Variants in KIF11 observed in about 807,000 individuals in gnomAD.
The protein encoded by KIF11 is kinesin-like protein KIF11.
In KIF11, 9 loss-of-function variants were observed where a neutral mutation model predicts 121.0. The ratio of observed to expected loss-of-function variants is 0.07; its 90% CI spans 0.04 to 0.13. KIF11 has a LOEUF of 0.13. Ranked by LOEUF, KIF11 falls within the 10% of genes least tolerant of loss-of-function variation. The pLI is 1.00. For synonymous variants in KIF11, 408 were observed against 421.0 expected, an observed-to-expected ratio of 0.97 and a Z score of 0.38; for missense variants, 846 against 1,217.5, an observed-to-expected ratio of 0.69 and a Z score of 4.54.
intron 17 of KIF11, among the ~76,000 whole-genome samples, chr10:92,643,745 C>T (rs1177640427): frequency 3.3e-5 from 5 of 151,266 alleles, no homozygotes; most frequent in African/African-American, 1.2e-4. Context: ...TTAGTAGAGA[C>T]GGGGGTTTCA....
chr10:92,594,165 A>G (rs1399088499), intron 1 of KIF11, among the ~76,000 whole-genome samples: 1 of 152,198 alleles, frequency 6.6e-6, no homozygotes, highest in Non-Finnish European at 1.5e-5. Flanking sequence ...GGCTCTCCAC[A>G]GTTTACTGAG....
chr10:92,605,706 G>C (rs984496734), intron 1 of KIF11, among the ~76,000 whole-genome samples: 1 of 151,984 alleles, frequency 6.6e-6, no homozygotes, highest in Non-Finnish European at 1.5e-5. Flanking sequence ...GGCTGGTCTC[G>C]AACTCCCGAC....
intron 11 of KIF11, among the ~76,000 whole-genome samples, chr10:92,629,943 A>T (rs1844718290): frequency 6.6e-6 from 1 of 152,174 alleles, no homozygotes; most frequent in African/African-American, 2.4e-5. Flanking sequence ...ATTCAAATCC[A>T]TTGACAATGT....
chr10:92,619,965 G>A (rs1051280512), intron 9 of KIF11, among the ~76,000 whole-genome samples: 29 of 151,456 alleles, frequency 1.9e-4, no homozygotes, highest in Admixed American at 1.5e-3. Flanking sequence ...ATCGGTAGCT[G>A]AATCTTGAGG....
At chr10:92,605,482 ATTTT>A (rs58660991) in intron 1 of KIF11, among the ~76,000 whole-genome samples, 1 of 98,300 alleles carries the variant, frequency 1.0e-5, no homozygotes, top group African/African-American at 4.1e-5. Flanking sequence ...ATTTGATCGG[ATTTT>A]TTTTTTTTTT....
chr10:92,608,936 A>G lies in KIF11; in HGVS notation c.388-84A>G. The G allele has an allele frequency of 8.6e-6, 6 of 699,016 alleles. 1 individual carries two copies. The South Asian group carries it at 1.6e-4, about 18-fold the overall frequency. 43.3% of individuals were successfully genotyped at this position (699,016 alleles called of 1,614,324 possible). A position where few individuals can be genotyped will look rare whatever the true frequency, so the allele number is the denominator to read the frequency against. On this transcript the variant is annotated intron_variant, in intron 4 of 21. Transcript: ENST00000260731. The stretch of plus-strand genomic sequence containing the variant: ...CTTGCTTTGCCATACTTATGTTTAA[A>G]TATATTATAAAGGAGGCCCATGTAT...
chr10:92,624,181 A>G (rs1182480551), intron 10 of KIF11, among the ~76,000 whole-genome samples: 1 of 149,648 alleles, frequency 6.7e-6, no homozygotes, highest in Admixed American at 6.7e-5. Flanking sequence ...GTTTAGGACA[A>G]TGGCATCCAG....
At chr10:92,616,889 A>C in intron 9 of KIF11, 57 bp downstream of exon 9, 1 of 969,452 alleles carries the variant, frequency 1.0e-6, no homozygotes, top group East Asian at 2.5e-5. Flanking sequence ...TGAAAATAAG[A>C]AACTGAAGTG....
In KIF11 at chr10:92,639,778, C is replaced by CAAA. The variant is rs1844845494; in HGVS notation, c.2161-15_2161-14insAAA. 2.0e-6 allele frequency: 3 copies of CAAA among 1,501,604 alleles called. No individual in the cohort carries two copies. Among genetic ancestry groups the CAAA allele is most frequent in the Non-Finnish European group, 2.8e-6 (3 of 1,088,436 alleles). 93.0% of individuals were successfully genotyped at this position (1,501,604 alleles called of 1,614,324 possible). On this transcript the variant is annotated splice_polypyrimidine_tract_variant and intron_variant, in intron 16 of 21. Coordinates refer to ENST00000260731, the MANE Select transcript of KIF11 (RefSeq NM_004523.4). ...CATAATTTTAAGTCTCTTCACTTCC[C>CAAA]ACACCTTTCTTACAGGAACTTTGCA...
At chr10:92,610,424 A>G (rs1844483181) in intron 6 of KIF11, among the ~76,000 whole-genome samples, 1 of 152,204 alleles carries the variant, frequency 6.6e-6, no homozygotes, top group South Asian at 2.1e-4. Context: ...TCATTGAGAT[A>G]TAAAATCCCT....
Position 92,645,391 on chromosome 10 carries a change from A to T in KIF11, c.2296A>T (p.Thr766Ser). ...ATCTAAGGATATAGTCAACAAAATGACTTTTCACAGTCAAAAATTTTGTGC... is the reference window on the plus strand; with the variant it reads ...ATCTAAGGATATAGTCAACAAAATGTCTTTTCACAGTCAAAAATTTTGTGC... Reference protein sequence around the residue: ...QKSKDIVNKMTFHSQKFCADS... With the variant: ...QKSKDIVNKMSFHSQKFCADS... The change falls in exon 18 of 22, where the codon ACT becomes TCT. Residue 766 changes from threonine (T) to serine (S), a missense_variant. By Grantham distance (58) the Thr-to-Ser change is moderately conservative. Transcript: ENST00000260731. The T allele has an allele frequency of 6.2e-7, 1 of 1,612,016 alleles. No homozygotes were observed. Among genetic ancestry groups the T allele is most frequent in the South Asian group, 1.1e-5 (1 of 90,844 alleles).
At chr10:92,634,444 A>T (rs973201361) in intron 14 of KIF11, among the ~76,000 whole-genome samples, 2 of 144,644 alleles carry the variant, frequency 1.4e-5, no homozygotes, top group African/African-American at 5.1e-5. Flanking sequence ...TAATTTTCGT[A>T]TTTTTTTTTA....
intron 20 of KIF11, 102 bp downstream of exon 20, chr10:92,650,088 C>T: frequency 2.4e-6 from 2 of 846,820 alleles, no homozygotes; most frequent in Non-Finnish European, 3.7e-6. Flanking sequence ...CAATCTTACC[C>T]CGCCTCTCAT....
At chr10:92,649,779 A>T (rs188532131) in intron 19 of KIF11, 56 bp from the exon 20 acceptor site, 11 of 1,251,382 alleles carry the variant, frequency 8.8e-6, no homozygotes, top group Middle Eastern at 2.0e-4. Context: ...AGGTTTTTTT[A>T]AAAATATTTA....
intron 17 of KIF11, among the ~76,000 whole-genome samples, chr10:92,640,726 G>A (rs899085271): frequency 3.4e-5 from 5 of 148,974 alleles, no homozygotes; most frequent in Non-Finnish European, 6.0e-5. Context: ...CACCACGCCC[G>A]GCTCTGTTTT....
Position 92,654,203 on chromosome 10 carries a change from C to G in KIF11, c.*407C>G, listed in dbSNP as rs886430348. On this transcript the variant is annotated 3_prime_UTR_variant, in exon 22 of 22. Transcript: ENST00000260731. ...AACAAAATTTAAAAAAGATATAAGG[C>G]AGTACTGTAAATTCAGTTGAATTTT... 6.5e-6 allele frequency: 1 copy of G among 154,052 alleles called. No homozygotes were observed. The allele number at this position is 154,052 out of a possible 1,614,324, so 9.5% of individuals were successfully genotyped here. A position where few individuals can be genotyped will look rare whatever the true frequency, so the allele number is the denominator to read the frequency against.
intron 8 of KIF11, among the ~76,000 whole-genome samples, chr10:92,616,204 T>C (rs1844555924): frequency 6.6e-6 from 1 of 151,592 alleles, no homozygotes; most frequent in Non-Finnish European, 1.5e-5. Context: ...TTTGTTTTGT[T>C]TTGTTTTTTT....
chr10:92,596,048 C>G (rs1732708334), intron 1 of KIF11, among the ~76,000 whole-genome samples: 1 of 152,186 alleles, frequency 6.6e-6, no homozygotes, highest in African/African-American at 2.4e-5. Flanking sequence ...GTTGCCCAGG[C>G]TGGAGTGCAG....
Position 92,654,006 on chromosome 10 carries a change from A to G in KIF11, c.*210A>G. On this transcript the variant is annotated 3_prime_UTR_variant, in exon 22 of 22. Transcript: ENST00000260731. ...TGAGACCAGCCTGGCCAACGTGGCA[A>G]AACCTCGTCTCTGTTAAAAATTAGC... 1 of 365,324 alleles carries G rather than the reference A, an allele frequency of 2.7e-6. No homozygotes were observed. Among genetic ancestry groups the G allele is most frequent in the South Asian group, 3.6e-5 (1 of 27,602 alleles). 22.6% of individuals were successfully genotyped at this position (365,324 alleles called of 1,614,324 possible).
Sources: allele counts gnomAD v4.1 joint callset (sites outside exome capture counted in the v4.1 genomes callset), GRCh38; gene constraint gnomAD v4.1.1; transcripts MANE v1.5; gene names NCBI Gene and HGNC (gene_info 2026-07-23, HGNC 2026-07-21).